The following ERBB4 variants were observed in gnomAD, a reference collection of about 807,000 sequenced individuals.
ERBB4 encodes receptor tyrosine-protein kinase erbB-4.
A neutral mutation model predicts 158.0 loss-of-function variants in ERBB4; 42 were observed. The ratio of observed to expected loss-of-function variants is 0.27; its 90% confidence interval spans 0.21 to 0.34. The LOEUF is 0.34. ERBB4 is among the 10% of genes least tolerant of loss of function. ERBB4 has a pLI of 1.00. For missense variants in ERBB4, 1,333 were observed against 1,624.1 expected, an observed-to-expected ratio of 0.82 and a Z score of 3.08; for synonymous variants, 583 against 558.7, an observed-to-expected ratio of 1.04 and a Z score of -0.61.
chr2:212,469,565 G>A (rs888863138), intron 1 of ERBB4, among the ~76,000 whole-genome samples: 1 of 152,114 alleles, frequency 6.6e-6, no homozygotes, highest in Non-Finnish European at 1.5e-5. Context: ...CGTTCCAACA[G>A]TATGCTTAGC....
chr2:212,385,117 G>A (rs139482287), intron 1 of ERBB4, among the ~76,000 whole-genome samples: 22 of 151,512 alleles, frequency 1.5e-4, no homozygotes, highest in South Asian at 4.2e-4. Flanking sequence ...GCAAATAAAC[G>A]GCTTAAGAAA....
intron 2 of ERBB4, among the ~76,000 whole-genome samples, chr2:211,980,897 G>T (rs1190062717): frequency 1.3e-5 from 2 of 151,988 alleles, no homozygotes; most frequent in East Asian, 3.9e-4. Context: ...CCCCTTTCTT[G>T]TCAGATTTGA....
chr2:212,227,567 T>C (rs547468264), intron 1 of ERBB4, among the ~76,000 whole-genome samples: 59 of 152,280 alleles, frequency 3.9e-4, no homozygotes, highest in Non-Finnish European at 6.3e-4. Context: ...TCCTTCAAAA[T>C]AACTGCTTTC....
chr2:212,233,222 GA>G (rs2083729135), intron 1 of ERBB4, among the ~76,000 whole-genome samples: 1 of 152,060 alleles, frequency 6.6e-6, no homozygotes, highest in African/African-American at 2.4e-5. Flanking sequence ...ATTTTACAAA[GA>G]AAATAGGGTT....
chr2:212,335,048 A>G (rs1344031215), intron 1 of ERBB4, among the ~76,000 whole-genome samples: 1 of 151,974 alleles, frequency 6.6e-6, no homozygotes, highest in Non-Finnish European at 1.5e-5. Context: ...ACCAGTTTTT[A>G]CCATTACATT....
intron 2 of ERBB4, among the ~76,000 whole-genome samples, chr2:211,977,034 C>T (rs1396504321): frequency 1.3e-5 from 2 of 152,026 alleles, no homozygotes; most frequent in Non-Finnish European, 1.5e-5. Context: ...GTATGATTGT[C>T]AATACAATCA....
intron 5 of ERBB4, among the ~76,000 whole-genome samples, chr2:211,749,802 G>C (rs553410431): frequency 2.4e-4 from 36 of 151,972 alleles, no homozygotes; most frequent in Non-Finnish European, 4.9e-4. Context: ...AATATTTTCT[G>C]TATCATCTAT....
intron 1 of ERBB4, among the ~76,000 whole-genome samples, chr2:212,444,305 G>A (rs1460854669): frequency 6.6e-6 from 1 of 152,196 alleles, no homozygotes; most frequent in Non-Finnish European, 1.5e-5. Flanking sequence ...AATTTTCCCA[G>A]TGGGCAGAAC....
intron 1 of ERBB4, among the ~76,000 whole-genome samples, chr2:212,250,742 C>T (rs1342714482): frequency 6.6e-6 from 1 of 151,284 alleles, no homozygotes; most frequent in Non-Finnish European, 1.5e-5. Flanking sequence ...CACACAGAGC[C>T]CTGTTGTTTT....
intron 2 of ERBB4, among the ~76,000 whole-genome samples, chr2:212,005,120 T>C (rs1416039580): frequency 1.3e-5 from 2 of 152,162 alleles, no homozygotes; most frequent in Non-Finnish European, 2.9e-5. Flanking sequence ...ATACACAATA[T>C]ACATCAACAT....
At chr2:212,055,477 C>T (rs1373333253) in intron 2 of ERBB4, among the ~76,000 whole-genome samples, 1 of 152,198 alleles carries the variant, frequency 6.6e-6, no homozygotes, top group Non-Finnish European at 1.5e-5. Context: ...GATAGACAGC[C>T]CCCTCAAGTG....
chr2:212,305,549 A>C (rs1277922773), intron 1 of ERBB4, among the ~76,000 whole-genome samples: 1 of 150,996 alleles, frequency 6.6e-6, no homozygotes, highest in Non-Finnish European at 1.5e-5. Flanking sequence ...CTATCAAGGG[A>C]AACTACCATG....
At chr2:211,978,214 G>T (rs576377097) in intron 2 of ERBB4, among the ~76,000 whole-genome samples, 1 of 151,970 alleles carries the variant, frequency 6.6e-6, no homozygotes, top group South Asian at 2.1e-4. Flanking sequence ...TGGCAGTTGG[G>T]TAAGTGCAGG....
In ERBB4 at chr2:211,741,115, C is replaced by T. The variant is rs551750797; in HGVS notation, c.622+9524G>A. Among the ~76,000 whole-genome samples, 16 of 152,162 alleles carry T rather than the reference C, an allele frequency of 1.1e-4. No homozygotes were observed. The South Asian group carries it at 3.1e-3, about 30-fold the overall frequency. Reference sequence around the variant, plus strand: ...TCTGTAGCCAAAATAGTATGGCTGTCCTATTCATCAGAAGCATGTCACATG... The same window carrying T: ...TCTGTAGCCAAAATAGTATGGCTGTTCTATTCATCAGAAGCATGTCACATG... On this transcript the variant is annotated intron_variant, in intron 5 of 27. Transcript: ENST00000342788.
chr2:212,279,788 A>G (rs2085683803), intron 1 of ERBB4, among the ~76,000 whole-genome samples: 2 of 151,566 alleles, frequency 1.3e-5, no homozygotes, highest in African/African-American at 2.4e-5. Flanking sequence ...TTAAATTCCA[A>G]CGTCGTGAAT....
At chr2:212,309,603 A>C (rs1574651106) in intron 1 of ERBB4, among the ~76,000 whole-genome samples, 1 of 150,918 alleles carries the variant, frequency 6.6e-6, no homozygotes, top group South Asian at 2.1e-4. Context: ...AAAGCAAATA[A>C]GTACTCTTTA....
At chr2:211,577,298 G>A (rs1477062084) in intron 19 of ERBB4, among the ~76,000 whole-genome samples, 1 of 152,130 alleles carries the variant, frequency 6.6e-6, no homozygotes, top group Non-Finnish European at 1.5e-5. Flanking sequence ...ACTAGGGCTT[G>A]GAGGAGTTTG....
chr2:211,825,857 A>G (rs2077090351), intron 3 of ERBB4, among the ~76,000 whole-genome samples: 1 of 147,504 alleles, frequency 6.8e-6, no homozygotes, highest in Non-Finnish European at 1.5e-5. Flanking sequence ...ATTTTATTAT[A>G]TTATATTAAT....
At chr2:211,870,898 C>G (rs75214616) in intron 3 of ERBB4, among the ~76,000 whole-genome samples, 1 of 151,974 alleles carries the variant, frequency 6.6e-6, no homozygotes, top group African/African-American at 2.4e-5. Flanking sequence ...TCAATTTGTT[C>G]GTTCATTCAA....
Sources: allele counts gnomAD v4.1 joint callset (sites outside exome capture counted in the v4.1 genomes callset), GRCh38; gene constraint gnomAD v4.1.1; transcripts MANE v1.5; gene names NCBI Gene and HGNC (gene_info 2026-07-23, HGNC 2026-07-21).